STARD13: variants seen among roughly 807,000 people sequenced by gnomAD.
STARD13 encodes StAR related lipid transfer domain containing 13, also known as stAR-related lipid transfer protein 13.
A neutral mutation model predicts 106.4 loss-of-function variants in STARD13; 62 were observed. That is an observed-to-expected ratio of 0.58 (90% confidence interval 0.48 to 0.72). STARD13 has a LOEUF of 0.72. Ranked by LOEUF, STARD13 falls within the 30% of genes least tolerant of loss-of-function variation. STARD13 has a pLI of 0.00. For synonymous variants in STARD13, 565 were observed against 553.0 expected, an observed-to-expected ratio of 1.02 and a Z score of -0.31; for missense variants, 1,387 against 1,424.0, an observed-to-expected ratio of 0.97 and a Z score of 0.42.
the STARD13 span, among the ~76,000 whole-genome samples, chr13:33,498,770 C>A: frequency 6.6e-6 from 1 of 152,180 alleles, no homozygotes; most frequent in East Asian, 1.9e-4. Context: ...CATTGTATCT[C>A]CTTCATATTT....
intron 1 of STARD13, among the ~76,000 whole-genome samples, chr13:33,331,526 A>ATTTT (rs35827468): frequency 7.6e-6 from 1 of 130,806 alleles, no homozygotes. Flanking sequence ...CTGATTTTGT[A>ATTTT]TTTTTTTTTT....
the STARD13 span, among the ~76,000 whole-genome samples, chr13:33,486,911 A>G: frequency 2.0e-4 from 31 of 152,208 alleles, no homozygotes; most frequent in African/African-American, 7.5e-4. Flanking sequence ...TGCCTGCCAT[A>G]TTGCATCATT....
chr13:33,123,469 T>C (rs1030915770), intron 7 of STARD13, among the ~76,000 whole-genome samples: 5 of 152,244 alleles, frequency 3.3e-5, no homozygotes, highest in African/African-American at 1.2e-4. Context: ...CAGATTCTTA[T>C]TCTGAGCATT....
At chr13:33,398,617 G>T in the STARD13 span, among the ~76,000 whole-genome samples, 2 of 139,828 alleles carry the variant, frequency 1.4e-5, no homozygotes, top group African/African-American at 6.2e-5. Flanking sequence ...AGAAGACAAG[G>T]AATATGGGGA....
chr13:33,518,108 C>A, the STARD13 span, among the ~76,000 whole-genome samples: 1 of 152,148 alleles, frequency 6.6e-6, no homozygotes, highest in Non-Finnish European at 1.5e-5. Flanking sequence ...AAAGCAGAAA[C>A]AACTTCCAGG....
chr13:33,162,803 CT>C (rs1313417131), intron 3 of STARD13, among the ~76,000 whole-genome samples: 1 of 151,842 alleles, frequency 6.6e-6, no homozygotes, highest in Non-Finnish European at 1.5e-5. Context: ...AGGTTCCAAA[CT>C]TTCCCACATT....
chr13:33,121,139 C>A (rs1406924340), intron 7 of STARD13, among the ~76,000 whole-genome samples: 1 of 152,246 alleles, frequency 6.6e-6, no homozygotes, highest in East Asian at 1.9e-4. Context: ...TGGAAAGCCA[C>A]TGGGCACAGT....
chr13:33,358,350 G>A, the STARD13 span, among the ~76,000 whole-genome samples: 7 of 152,346 alleles, frequency 4.6e-5, no homozygotes, highest in South Asian at 2.1e-4. Flanking sequence ...GACCACCCAA[G>A]GGCTGAGGAA....
chr13:33,653,295 A>G, the STARD13 span, among the ~76,000 whole-genome samples: 5 of 152,178 alleles, frequency 3.3e-5, no homozygotes, highest in Non-Finnish European at 5.9e-5. Context: ...ACTTGCAGTA[A>G]TCAAAACAGT....
the STARD13 span, among the ~76,000 whole-genome samples, chr13:33,519,244 C>A: frequency 6.7e-6 from 1 of 150,178 alleles, no homozygotes; most frequent in Admixed American, 6.6e-5. Flanking sequence ...TTCTTTCTTT[C>A]TTTCTTTCTT....
chr13:33,536,973 C>T, the STARD13 span, among the ~76,000 whole-genome samples: 1 of 152,170 alleles, frequency 6.6e-6, no homozygotes, highest in Non-Finnish European at 1.5e-5. Context: ...TTTTATTCCA[C>T]ATTAAATAAA....
the STARD13 span, among the ~76,000 whole-genome samples, chr13:33,491,452 G>GT: frequency 2.6e-5 from 4 of 152,014 alleles, no homozygotes; most frequent in Non-Finnish European, 2.9e-5. Flanking sequence ...TCATTTCTTT[G>GT]TTTTTTTCTT....
chr13:33,537,448 T>G, the STARD13 span, among the ~76,000 whole-genome samples: 3 of 152,222 alleles, frequency 2.0e-5, no homozygotes, highest in Non-Finnish European at 2.9e-5. Flanking sequence ...AACCCAGTCT[T>G]GGCAAGTAGG....
the STARD13 span, among the ~76,000 whole-genome samples, chr13:33,621,179 C>T: frequency 1.4e-5 from 2 of 146,252 alleles, no homozygotes; most frequent in African/African-American, 5.5e-5. Context: ...TAAAGTCAAA[C>T]AGTTTTTTGA....
chr13:33,609,658 C>T, the STARD13 span, among the ~76,000 whole-genome samples: 2 of 151,838 alleles, frequency 1.3e-5, no homozygotes, highest in South Asian at 4.2e-4. Context: ...GCTCCACCTC[C>T]CGGGTTCACG....
At chr13:33,395,088 A>C in the STARD13 span, among the ~76,000 whole-genome samples, 1 of 152,206 alleles carries the variant, frequency 6.6e-6, no homozygotes, top group African/African-American at 2.4e-5. Context: ...ATTTTTCAGG[A>C]AGGTAATTAA....
At chr13:33,204,537 C>T (rs571905005) in intron 1 of STARD13, among the ~76,000 whole-genome samples, 135 of 152,256 alleles carry the variant, frequency 8.9e-4, no homozygotes, top group African/African-American at 3.2e-3. Flanking sequence ...GTGGAAAGAA[C>T]CCCGTAGAAA....
At chr13:33,466,818 T>A in the STARD13 span, among the ~76,000 whole-genome samples, 2 of 152,206 alleles carry the variant, frequency 1.3e-5, no homozygotes, top group Admixed American at 1.3e-4. Context: ...AAAAGCAACA[T>A]GAATACAAAG....
chr13:33,428,702 TAAC>T, the STARD13 span, among the ~76,000 whole-genome samples: 1 of 152,082 alleles, frequency 6.6e-6, no homozygotes, highest in Non-Finnish European at 1.5e-5. Flanking sequence ...AGGATACAAT[TAAC>T]AAAGTGAAGA....
Sources: allele counts gnomAD v4.1 joint callset (sites outside exome capture counted in the v4.1 genomes callset), GRCh38; gene constraint gnomAD v4.1.1; transcripts MANE v1.5; gene names NCBI Gene and HGNC (gene_info 2026-07-23, HGNC 2026-07-21).